AGBL4: variants seen among roughly 807,000 people sequenced by gnomAD.
AGBL4 encodes cytosolic carboxypeptidase 6.
Under a neutral mutation model 66.4 loss-of-function variants are expected in AGBL4, and 58 were observed. The observed-to-expected ratio is 0.87, with a 90% CI of 0.71 to 1.09. The LOEUF (loss-of-function observed/expected upper bound fraction) is 1.09, where lower values mean the gene tolerates loss of function less well. Ranked by LOEUF, AGBL4 falls within the 50% of genes least tolerant of loss-of-function variation. The pLI, the probability that AGBL4 is intolerant of heterozygous loss-of-function variation, is 0.00. For missense variants in AGBL4, 579 were observed against 631.0 expected, an observed-to-expected ratio of 0.92 and a Z score of 0.88; for synonymous variants, 234 against 222.9, an observed-to-expected ratio of 1.05 and a Z score of -0.44.
At chr1:48,734,221 T>C (rs990940505) in intron 6 of AGBL4, among the ~76,000 whole-genome samples, 5 of 152,208 alleles carry the variant, frequency 3.3e-5, no homozygotes, top group African/African-American at 1.2e-4. Flanking sequence ...GAGGCAGCTA[T>C]GTTACAGCAG....
At chr1:48,932,938 A>G (rs893377331) in intron 5 of AGBL4, among the ~76,000 whole-genome samples, 4 of 152,140 alleles carry the variant, frequency 2.6e-5, no homozygotes, top group Admixed American at 2.6e-4. Context: ...CACCTTTGGG[A>G]AACAGTATTT....
intron 5 of AGBL4, among the ~76,000 whole-genome samples, chr1:48,956,664 T>C (rs978452458): frequency 2.0e-5 from 3 of 152,164 alleles, no homozygotes; most frequent in African/African-American, 7.2e-5. Flanking sequence ...AAAAAACATT[T>C]ACTAATACTT....
rs149804630 is a variant in AGBL4, at chr1:49,335,894, T to C, written c.283-90030A>G. 3.9e-4 allele frequency among the ~76,000 whole-genome samples: 59 copies of C among 152,344 alleles called. 1 individual carries two copies. The East Asian group carries it at 0.011, about 28-fold the overall frequency. On this transcript the variant is annotated intron_variant, in intron 3 of 13. Transcript: ENST00000371839. Reference sequence around the variant, plus strand: ...GTAACTTTTCAATCTCATTTTAGACTTATCTTCCCATCAGACACTACTCTC... The same window carrying C: ...GTAACTTTTCAATCTCATTTTAGACCTATCTTCCCATCAGACACTACTCTC...
At chr1:48,799,009 G>T (rs1364290513) in intron 6 of AGBL4, among the ~76,000 whole-genome samples, 1 of 151,938 alleles carries the variant, frequency 6.6e-6, no homozygotes, top group Non-Finnish European at 1.5e-5. Flanking sequence ...GCTCTTTTTT[G>T]GTTCCATATG....
At chr1:49,592,392 G>A (rs569893754) in intron 3 of AGBL4, among the ~76,000 whole-genome samples, 7 of 152,264 alleles carry the variant, frequency 4.6e-5, no homozygotes, top group South Asian at 2.1e-4. Context: ...CCAACATGGC[G>A]AAATCCCATC....
chr1:48,713,915 T>C (rs978207961), intron 6 of AGBL4, among the ~76,000 whole-genome samples: 1 of 152,224 alleles, frequency 6.6e-6, no homozygotes, highest in Non-Finnish European at 1.5e-5. Flanking sequence ...GATATCTTCA[T>C]TCTTCCCATT....
intron 3 of AGBL4, among the ~76,000 whole-genome samples, chr1:49,361,487 T>C (rs1644133650): frequency 6.6e-6 from 1 of 152,030 alleles, no homozygotes; most frequent in South Asian, 2.1e-4. Context: ...ATCATGCCCA[T>C]CTAATTTTTT....
At chr1:49,096,600 AATACTGC>A (rs1216179195) in intron 4 of AGBL4, among the ~76,000 whole-genome samples, 3 of 149,908 alleles carry the variant, frequency 2.0e-5, no homozygotes, top group African/African-American at 7.4e-5. Context: ...CAAAAAACCA[AATACTGC>A]ATACTCTCAC....
At chr1:48,682,254 T>C (rs1646466809) in intron 6 of AGBL4, among the ~76,000 whole-genome samples, 1 of 152,220 alleles carries the variant, frequency 6.6e-6, no homozygotes, top group Non-Finnish European at 1.5e-5. Context: ...GTGTATTTGT[T>C]ATGCAGACCA....
At chr1:48,991,235 G>A (rs889080125) in intron 5 of AGBL4, among the ~76,000 whole-genome samples, 2 of 152,152 alleles carry the variant, frequency 1.3e-5, no homozygotes, top group Non-Finnish European at 2.9e-5. Flanking sequence ...TTTGCTGAAT[G>A]TACTACTATA....
At chr1:48,663,347 A>G in intron 6 of AGBL4, 106 bp from the exon 7 acceptor site, 1 of 1,015,796 alleles carries the variant, frequency 9.8e-7, no homozygotes. Flanking sequence ...GATGTTTTAC[A>G]TTTACCTCTT....
At chr1:49,840,267 CA>C (rs1645957163) in intron 2 of AGBL4, among the ~76,000 whole-genome samples, 1 of 152,102 alleles carries the variant, frequency 6.6e-6, no homozygotes, top group African/African-American at 2.4e-5. Flanking sequence ...TAAAGTTGTT[CA>C]TAGTAGTCTC....
intron 5 of AGBL4, among the ~76,000 whole-genome samples, chr1:49,039,631 G>T (rs928105909): frequency 6.6e-6 from 1 of 152,072 alleles, no homozygotes; most frequent in Admixed American, 6.6e-5. Flanking sequence ...GGAAAAATTT[G>T]TTATCATGTG....
intron 3 of AGBL4, among the ~76,000 whole-genome samples, chr1:49,696,249 T>C (rs748759023): frequency 7.2e-5 from 11 of 152,142 alleles, no homozygotes; most frequent in African/African-American, 1.7e-4. Flanking sequence ...GTAACTGATA[T>C]CTTACGATTT....
At chr1:48,747,160 C>T (rs77731599) in intron 6 of AGBL4, among the ~76,000 whole-genome samples, 1 of 152,150 alleles carries the variant, frequency 6.6e-6, no homozygotes, top group Non-Finnish European at 1.5e-5. Context: ...TAAGCACTTG[C>T]GTTAAGAGAC....
At chr1:49,345,955 A>G (rs1645625856) in intron 3 of AGBL4, among the ~76,000 whole-genome samples, 1 of 152,180 alleles carries the variant, frequency 6.6e-6, no homozygotes, top group Admixed American at 6.5e-5. Flanking sequence ...GACTTACAGA[A>G]CCAATAAAAG....
rs1209738684 is a variant in AGBL4 at position 48,999,348 on chromosome 1, C to T, written c.594+46236G>A. 2.6e-5 allele frequency among the ~76,000 whole-genome samples: 4 copies of T among 152,196 alleles called. No homozygotes were observed. The East Asian group carries it at 7.7e-4, about 29-fold the overall frequency. On this transcript the variant is annotated intron_variant, in intron 5 of 13. Transcript: ENST00000371839. ...ATCACAGAAGTTCTACTGGCTTTTT[C>T]TCCCTTTGATTAAAGTCCTCAGAAA...
chr1:48,855,370 T>A (rs1334109285), intron 6 of AGBL4, among the ~76,000 whole-genome samples: 1 of 152,226 alleles, frequency 6.6e-6, no homozygotes, highest in Non-Finnish European at 1.5e-5. Flanking sequence ...AATTAGTTTG[T>A]CTCTCAGAGA....
intron 3 of AGBL4, among the ~76,000 whole-genome samples, chr1:49,538,150 T>C (rs1651748359): frequency 6.6e-6 from 1 of 152,208 alleles, no homozygotes; most frequent in African/African-American, 2.4e-5. Context: ...TTCTGCACTT[T>C]TATGTTTATC....
Sources: gnomAD v4.1 joint callset for allele counts (sites outside exome capture counted in the v4.1 genomes callset) on GRCh38, gnomAD v4.1.1 for gene constraint, MANE v1.5 for transcripts, NCBI Gene and HGNC (gene_info 2026-07-23, HGNC 2026-07-21) for gene names.